CDC40: variants seen among roughly 807,000 people sequenced by gnomAD.
The protein encoded by CDC40 is pre-mRNA-processing factor 17.
In CDC40, 27 loss-of-function variants were observed where a neutral mutation model predicts 80.6. That is an observed-to-expected ratio of 0.33 (90% confidence interval 0.25 to 0.46). The LOEUF (loss-of-function observed/expected upper bound fraction) is 0.46. Ranked by LOEUF, CDC40 falls within the 20% of genes least tolerant of loss-of-function variation. The pLI, the probability that CDC40 is intolerant of heterozygous loss-of-function variation, is 1.00. For synonymous variants in CDC40, 221 were observed against 232.6 expected, an observed-to-expected ratio of 0.95 and a Z score of 0.45; for missense variants, 486 against 694.1, an observed-to-expected ratio of 0.70 and a Z score of 3.37.
At chr6:110,211,968 C>T in intron 6 of CDC40, 165 bp from the exon 7 acceptor site, 1 of 577,644 alleles carries the variant, frequency 1.7e-6, no homozygotes, top group East Asian at 2.9e-5. Context: ...TTATTTTAAG[C>T]ACTTAAATCT....
At position 110,180,513 on chromosome 6, in the gene CDC40, CA is replaced by C; in HGVS notation, c.70del (p.Ser24ValfsTer17). On this transcript the variant is annotated frameshift_variant, in exon 1 of 15. Coordinates refer to ENST00000307731, the MANE Select transcript of CDC40 (RefSeq NM_015891.3). LOFTEE classifies it high-confidence loss of function. ...SGSGSESDSD[S>X]ESSRCPLPAA... is the part of the protein sequence containing the mutation. ...GTTCAGGGTCCGAATCGGACTCGGA[CA>C]GTGAGAGCAGTCGGTGTCCGCTGCC... is the stretch of plus-strand genomic sequence containing the variant. 6.2e-7 allele frequency: 1 copy of C among 1,614,194 alleles called. No homozygotes were observed. Among genetic ancestry groups the C allele is most frequent in the Non-Finnish European group, 8.5e-7 (1 of 1,180,030 alleles).
chr6:110,192,973 ATTG>A (rs1777371069), intron 1 of CDC40, among the ~76,000 whole-genome samples: 1 of 152,188 alleles, frequency 6.6e-6, no homozygotes, highest in Non-Finnish European at 1.5e-5. Context: ...AAAATTTTAA[ATTG>A]TTAATAAAGT....
chr6:110,213,506 C>T (rs983510763), intron 8 of CDC40, among the ~76,000 whole-genome samples: 12 of 151,386 alleles, frequency 7.9e-5, no homozygotes, highest in African/African-American at 2.4e-4. Context: ...TCTCCTGCCT[C>T]GGCCTCCCCA....
chr6:110,214,663 GCTTTCTATTTTAGAGTA>G (rs1159524590), intron 8 of CDC40, among the ~76,000 whole-genome samples: 1 of 152,160 alleles, frequency 6.6e-6, no homozygotes, highest in Non-Finnish European at 1.5e-5. Flanking sequence ...GCAAGGAAAT[GCTTTCTATTTTAGAGTA>G]CTAGCAACAT....
intron 2 of CDC40, among the ~76,000 whole-genome samples, chr6:110,199,373 A>G (rs999582756): frequency 6.6e-6 from 1 of 151,534 alleles, no homozygotes; most frequent in African/African-American, 2.4e-5. Context: ...AGGCGGGCGG[A>G]TACGAGGTCA....
chr6:110,185,951 T>C (rs1777263829), intron 1 of CDC40, among the ~76,000 whole-genome samples: 1 of 152,238 alleles, frequency 6.6e-6, no homozygotes, highest in Admixed American at 6.5e-5. Context: ...GTTTCTATTC[T>C]TTAAGTGGTT....
rs112710950 is a variant in CDC40, at chr6:110,208,127, A to G, written c.490+538A>G. 5.5e-3 allele frequency among the ~76,000 whole-genome samples: 836 copies of G among 152,320 alleles called. 12 individuals are homozygous for G. The highest frequency in any genetic ancestry group is 0.019 in the African/African-American group (810 of 41,588). On this transcript the variant is annotated intron_variant, in intron 4 of 14. Transcript: ENST00000307731. ...TCACAAGCCTCATCAGTCCATTAGA[A>G]TATTATCCATAAAATGCAATTTAAA...
intron 14 of CDC40, 38 bp from the exon 15 acceptor site, chr6:110,229,916 A>T: frequency 7.2e-7 from 1 of 1,392,362 alleles, no homozygotes. Context: ...AATTTAAGGT[A>T]TTTTAATAAT....
intron 9 of CDC40, among the ~76,000 whole-genome samples, chr6:110,216,570 A>T (rs1327972194): frequency 6.6e-6 from 1 of 152,130 alleles, no homozygotes; most frequent in Non-Finnish European, 1.5e-5. Context: ...CTCCTGAAGG[A>T]GATGATAGAA....
chr6:110,210,456 C>A (rs764888661), intron 5 of CDC40, among the ~76,000 whole-genome samples: 12 of 147,572 alleles, frequency 8.1e-5, no homozygotes, highest in South Asian at 4.2e-4. Flanking sequence ...GAGGCTGAGG[C>A]AGGAGAATTG....
intron 1 of CDC40, among the ~76,000 whole-genome samples, chr6:110,188,650 G>T (rs1325573607): frequency 6.6e-6 from 1 of 152,098 alleles, no homozygotes; most frequent in African/African-American, 2.4e-5. Flanking sequence ...TATCTGTTGG[G>T]CTCAGCCAAA....
At chr6:110,224,953 C>G (rs1777831575) in intron 12 of CDC40, among the ~76,000 whole-genome samples, 1 of 152,150 alleles carries the variant, frequency 6.6e-6, no homozygotes, top group African/African-American at 2.4e-5. Context: ...AAGAAACAAG[C>G]CTTTTTTCAT....
In CDC40 at chr6:110,232,098, C is replaced by G. The variant is rs539249585; in HGVS notation, c.*1967C>G. The G allele has an allele frequency of 6.6e-6, 1 of 152,112 alleles. No homozygotes were observed. Among genetic ancestry groups the G allele is most frequent in the South Asian group, 2.1e-4 (1 of 4,782 alleles). 9.4% of individuals were successfully genotyped at this position (152,112 alleles called of 1,614,324 possible). A position where few individuals can be genotyped will look rare whatever the true frequency, so the allele number is the denominator to read the frequency against. ...TTCAGCATACCAATATTGTATGTTA[C>G]AAATCATCATTTCTAAATCTGGATT... On this transcript the variant is annotated 3_prime_UTR_variant, in exon 15 of 15. Coordinates refer to ENST00000307731, the MANE Select transcript of CDC40 (RefSeq NM_015891.3).
chr6:110,208,199 A>G (rs1453102656), intron 4 of CDC40, among the ~76,000 whole-genome samples: 2 of 152,230 alleles, frequency 1.3e-5, no homozygotes, highest in Admixed American at 6.5e-5. Context: ...CTTAGTAGCT[A>G]TAGATCCTAT....
chr6:110,199,290 T>C (rs1584067895), intron 2 of CDC40, among the ~76,000 whole-genome samples: 2 of 152,118 alleles, frequency 1.3e-5, no homozygotes, highest in African/African-American at 4.8e-5. Flanking sequence ...TGATAATTTT[T>C]CTTTAAAAAG....
chr6:110,228,715 T>C lies in CDC40; in HGVS notation c.1418-117T>C, dbSNP rs962060452. On this transcript the variant is annotated intron_variant, in intron 13 of 14. Coordinates refer to ENST00000307731, the MANE Select transcript of CDC40 (RefSeq NM_015891.3). Reference sequence around the variant, plus strand: ...GTGGTATAGTAAATTTATTTTTTAGTATTATAAAGTATTTGGGAGCAAAAC... The same window carrying C: ...GTGGTATAGTAAATTTATTTTTTAGCATTATAAAGTATTTGGGAGCAAAAC... 19 of 684,128 alleles carry C rather than the reference T, an allele frequency of 2.8e-5. No homozygotes were observed. In the African/African-American group the frequency reaches 3.6e-4, roughly 13 times the overall value. The allele number at this position is 684,128 out of a possible 1,614,324, so 42.4% of individuals were successfully genotyped here. A position where few individuals can be genotyped will look rare whatever the true frequency, so the allele number is the denominator to read the frequency against.
intron 1 of CDC40, among the ~76,000 whole-genome samples, chr6:110,184,231 T>C (rs1315842705): frequency 6.6e-6 from 1 of 152,204 alleles, no homozygotes; most frequent in African/African-American, 2.4e-5. Flanking sequence ...TTTTGTTGGC[T>C]CTTCTTGGCC....
chr6:110,223,756 T>G (rs1206345600), intron 12 of CDC40, among the ~76,000 whole-genome samples: 1 of 152,218 alleles, frequency 6.6e-6, no homozygotes, highest in Non-Finnish European at 1.5e-5. Context: ...ACTCTTATGT[T>G]CTAAAGGAGA....
intron 3 of CDC40, 21 bp downstream of exon 3, chr6:110,201,708 C>T: frequency 1.2e-6 from 2 of 1,607,122 alleles, no homozygotes; most frequent in Non-Finnish European, 1.7e-6. Flanking sequence ...AAGACTTAAG[C>T]AGTTTCAATT....
Sources: allele counts gnomAD v4.1 joint callset (sites outside exome capture counted in the v4.1 genomes callset), GRCh38; gene constraint gnomAD v4.1.1; transcripts MANE v1.5; gene names NCBI Gene and HGNC (gene_info 2026-07-23, HGNC 2026-07-21).